Variants in TM9SF2 observed in about 807,000 individuals in gnomAD.
The protein encoded by TM9SF2 is 76 kDa membrane protein.
In TM9SF2, 13 loss-of-function variants were observed where a neutral mutation model predicts 84.9. The observed-to-expected ratio is 0.15, with a 90% CI of 0.10 to 0.24. The LOEUF (loss-of-function observed/expected upper bound fraction) is 0.24, where lower values mean the gene tolerates loss of function less well. Ranked by LOEUF, TM9SF2 falls within the 10% of genes least tolerant of loss-of-function variation. TM9SF2 has a pLI of 1.00. For missense variants in TM9SF2, 562 were observed against 818.5 expected (o/e 0.69, Z 3.82); for synonymous variants, 273 against 285.8 (o/e 0.96, Z 0.45).
chr13:99,504,906 A>G (rs758138666), intron 1 of TM9SF2, among the ~76,000 whole-genome samples: 11 of 152,098 alleles, frequency 7.2e-5, no homozygotes, highest in Non-Finnish European at 1.5e-4. Context: ...TAGGGCCTTT[A>G]GATTGGGCCC....
intron 4 of TM9SF2, among the ~76,000 whole-genome samples, chr13:99,530,946 C>T (rs527671602): frequency 5.3e-5 from 8 of 151,948 alleles, no homozygotes; most frequent in African/African-American, 9.7e-5. Context: ...CTGCAACCTC[C>T]GTCTCCTGGG....
At chr13:99,519,837 T>C (rs1379236443) in intron 2 of TM9SF2, among the ~76,000 whole-genome samples, 199 bp from the exon 3 acceptor site, 1 of 152,184 alleles carries the variant, frequency 6.6e-6, no homozygotes, top group African/African-American at 2.4e-5. Flanking sequence ...GAAAAAAATA[T>C]TCGAAGGCAT....
At chr13:99,558,253 C>T (rs1233964514) in intron 15 of TM9SF2, among the ~76,000 whole-genome samples, 2 of 152,198 alleles carry the variant, frequency 1.3e-5, no homozygotes, top group African/African-American at 2.4e-5. Context: ...ATCAAAAAGG[C>T]TGAGTCCTCC....
chr13:99,510,861 C>CA (rs749085697), intron 1 of TM9SF2, among the ~76,000 whole-genome samples: 3 of 152,150 alleles, frequency 2.0e-5, no homozygotes, highest in Non-Finnish European at 4.4e-5. Flanking sequence ...ATTATTTTGT[C>CA]ATCCAAAATG....
At chr13:99,560,225 A>G (rs1282509764) in intron 16 of TM9SF2, among the ~76,000 whole-genome samples, 3 of 152,208 alleles carry the variant, frequency 2.0e-5, no homozygotes, top group African/African-American at 7.2e-5. Flanking sequence ...CTCCTCACGC[A>G]TGTCATGGAA....
chr13:99,535,024 C>T (rs1478544225), intron 4 of TM9SF2, among the ~76,000 whole-genome samples: 1 of 152,046 alleles, frequency 6.6e-6, no homozygotes, highest in Non-Finnish European at 1.5e-5. Context: ...TGATGGCATG[C>T]ACCTGTAGTC....
In TM9SF2 at chr13:99,554,418, A is replaced by G. The variant is rs777772338; in HGVS notation, c.1603A>G (p.Ile535Val). Residue 535 changes from isoleucine (I) to valine (V), a missense_variant, in exon 14 of 17, where the codon ATC becomes GTC. Ile to Val is a conservative substitution (Grantham distance 29). Coordinates refer to ENST00000376387, the MANE Select transcript of TM9SF2 (RefSeq NM_004800.3). ...IMGGILPFGCIFIQLFFILNS... is the reference protein window; with the variant it reads ...IMGGILPFGCVFIQLFFILNS... The stretch of plus-strand genomic sequence containing the variant: ...GGGAGGGATTTTGCCCTTTGGCTGC[A>G]TCTTTATACAACTTTTCTTCATTCT... 6.2e-7 allele frequency: 1 copy of G among 1,614,202 alleles called. No homozygotes were observed. Among genetic ancestry groups the G allele is most frequent in the East Asian group, 2.2e-5 (1 of 44,876 alleles).
chr13:99,555,524 G>GTT lies in TM9SF2; in HGVS notation c.1641-10_1641-9dup, dbSNP rs1566574092. On this transcript the variant is annotated splice_polypyrimidine_tract_variant and intron_variant, in intron 14 of 16. Coordinates refer to ENST00000376387, the MANE Select transcript of TM9SF2 (RefSeq NM_004800.3). ...AATATTTATAGTTCCTTCTTGACGT[G>GTT]TTTGATTATAGGTCACACCAGATGT... 1 of 1,579,504 alleles carries GTT rather than the reference G, an allele frequency of 6.3e-7. No homozygotes were observed. The highest frequency in any genetic ancestry group is 1.1e-5 in the South Asian group (1 of 90,178).
intron 4 of TM9SF2, among the ~76,000 whole-genome samples, chr13:99,534,858 CAT>C (rs1298901111): frequency 2.0e-5 from 3 of 152,006 alleles, no homozygotes; most frequent in African/African-American, 2.4e-5. Flanking sequence ...AATTGAAAAT[CAT>C]ATTCTTTGGC....
chr13:99,508,244 G>A (rs987951454), intron 1 of TM9SF2, among the ~76,000 whole-genome samples: 5 of 152,116 alleles, frequency 3.3e-5, no homozygotes, highest in African/African-American at 1.2e-4. Flanking sequence ...GTTTGAAAGT[G>A]GGAATGTGAA....
rs1370988956 is a variant in TM9SF2 at position 99,517,670 on chromosome 13, T to C, written c.228T>C (p.Tyr76=). ...RLDSVESVLP[Y]EYTAFDFCQA... ...ATTCAGTGGAATCAGTTCTTCCTTATGAATACACAGCGTAAGTTTTTCAGC... is the reference window on the plus strand; with the variant it reads ...ATTCAGTGGAATCAGTTCTTCCTTACGAATACACAGCGTAAGTTTTTCAGC... Residue 76 remains tyrosine (Y), a synonymous_variant, in exon 2 of 17, where the codon TAT becomes TAC. Coordinates refer to ENST00000376387, the MANE Select transcript of TM9SF2 (RefSeq NM_004800.3). The C allele has an allele frequency of 6.3e-7, 1 of 1,589,058 alleles. No individual in the cohort carries two copies. The highest frequency in any genetic ancestry group is 8.5e-7 in the Non-Finnish European group (1 of 1,169,988).
At chr13:99,557,121 T>A (rs191239384) in intron 15 of TM9SF2, among the ~76,000 whole-genome samples, 165 of 152,266 alleles carry the variant, frequency 1.1e-3, no homozygotes, top group Non-Finnish European at 1.9e-3. Flanking sequence ...TTTTCCACAG[T>A]GGTTGTGCCG....
At chr13:99,522,252 C>T (rs1594049335) in intron 3 of TM9SF2, among the ~76,000 whole-genome samples, 1 of 152,188 alleles carries the variant, frequency 6.6e-6, no homozygotes, top group Non-Finnish European at 1.5e-5. Flanking sequence ...AACTCTTGAC[C>T]TCAGGTGATC....
At chr13:99,546,377 A>T (rs925103239) in intron 10 of TM9SF2, among the ~76,000 whole-genome samples, 12 of 152,170 alleles carry the variant, frequency 7.9e-5, no homozygotes, top group African/African-American at 2.9e-4. Context: ...CATTAGTAGG[A>T]AGGCTTACAT....
At position 99,532,159 on chromosome 13, in the gene TM9SF2, C is replaced by T. The variant is rs961368138; in HGVS notation, c.461+2565C>T. On this transcript the variant is annotated intron_variant, in intron 4 of 16. Coordinates refer to ENST00000376387, the MANE Select transcript of TM9SF2 (RefSeq NM_004800.3). ...CTCCGCCTCCCGGGTCCACGCCATT[C>T]TCCTGCCTCAGCCTCCCGAGTAGCT... Among the ~76,000 whole-genome samples the T allele has an allele frequency of 2.2e-4, 33 of 151,756 alleles. 1 individual carries two copies. The highest frequency in any genetic ancestry group is 9.8e-4 in the Admixed American group (15 of 15,244).
At chr13:99,516,537 T>C (rs2046135405) in intron 1 of TM9SF2, among the ~76,000 whole-genome samples, 2 of 152,210 alleles carry the variant, frequency 1.3e-5, no homozygotes, top group South Asian at 4.1e-4. Flanking sequence ...TAGCCTGAGC[T>C]CCTTTTTTGA....
rs962024290 is a variant in TM9SF2 at position 99,552,449 on chromosome 13, A to T, written c.1488+123A>T. 3.0e-6 allele frequency: 3 copies of T among 1,003,886 alleles called. No individual in the cohort carries two copies. In the African/African-American group the frequency reaches 4.9e-5, roughly 16 times the overall value. The allele number at this position is 1,003,886 out of a possible 1,614,324, so 62.2% of individuals were successfully genotyped here. On this transcript the variant is annotated intron_variant, in intron 13 of 16. Coordinates refer to ENST00000376387, the MANE Select transcript of TM9SF2 (RefSeq NM_004800.3). ...ACTTGTCCTTTAGGATCTGGATTTC[A>T]TAGAATATTTTTAAAATAGTAGTAT... is the stretch of plus-strand genomic sequence containing the variant.
chr13:99,516,333 C>T (rs2046134572), intron 1 of TM9SF2, among the ~76,000 whole-genome samples: 1 of 152,216 alleles, frequency 6.6e-6, no homozygotes, highest in Admixed American at 6.5e-5. Context: ...TAAGTGAAAT[C>T]AAAATGACAA....
intron 15 of TM9SF2, among the ~76,000 whole-genome samples, chr13:99,558,074 AG>A (rs1489032529): frequency 6.6e-6 from 1 of 152,196 alleles, no homozygotes; most frequent in African/African-American, 2.4e-5. Context: ...TTTGTTGAAG[AG>A]GCTGTTCTTT....
Sources: allele counts gnomAD v4.1 joint callset (sites outside exome capture counted in the v4.1 genomes callset), GRCh38; gene constraint gnomAD v4.1.1; transcripts MANE v1.5; gene names NCBI Gene and HGNC (gene_info 2026-07-23, HGNC 2026-07-21).